Variants in FOXP1 observed in about 807,000 individuals in gnomAD.
FOXP1 encodes the protein forkhead box protein P1.
In FOXP1, 15 loss-of-function variants were observed where a neutral mutation model predicts 98.2. The observed-to-expected ratio is 0.15, with a 90% confidence interval of 0.10 to 0.24. The LOEUF (loss-of-function observed/expected upper bound fraction) is 0.24, where lower values mean the gene tolerates loss of function less well. FOXP1 is among the 10% of genes least tolerant of loss of function. The probability of loss-of-function intolerance (pLI) is 1.00; values close to 1 mark genes in which losing one functional copy is unlikely to be tolerated. For synonymous variants in FOXP1, 371 were observed against 314.5 expected (o/e 1.18, Z -1.90); for missense variants, 633 against 848.5 (o/e 0.75, Z 3.15).
chr3:71,101,185 CAGTGATG>C (rs1168559746), intron 7 of FOXP1, among the ~76,000 whole-genome samples: 2 of 152,088 alleles, frequency 1.3e-5, no homozygotes, highest in Non-Finnish European at 2.9e-5. Context: ...ATTCCTAGGT[CAGTGATG>C]AGTCAAATGA....
intron 7 of FOXP1, chr3:71,065,648 C>A (rs1292337696): frequency 1.3e-5 from 2 of 152,162 alleles, no homozygotes; most frequent in Non-Finnish European, 2.9e-5. Context: ...CAGGCGACTT[C>A]CCCTCTAGAA....
intron 7 of FOXP1, among the ~76,000 whole-genome samples, chr3:71,093,592 G>T (rs1265925074): frequency 6.6e-6 from 1 of 150,382 alleles, no homozygotes; most frequent in Non-Finnish European, 1.5e-5. Context: ...AGTTTCAACT[G>T]TGATATAAGG....
chr3:71,023,557 A>G (rs910792634), intron 11 of FOXP1, among the ~76,000 whole-genome samples: 1 of 152,210 alleles, frequency 6.6e-6, no homozygotes, highest in Non-Finnish European at 1.5e-5. Context: ...TGATTCTTCA[A>G]TGACAGCTTA....
At chr3:71,023,359 T>G (rs987639654) in intron 11 of FOXP1, among the ~76,000 whole-genome samples, 1 of 152,348 alleles carries the variant, frequency 6.6e-6, no homozygotes, top group African/African-American at 2.4e-5. Context: ...GTCTGCACGG[T>G]AAGAGACTGC....
intron 4 of FOXP1, among the ~76,000 whole-genome samples, chr3:71,340,423 G>GA (rs1484095563): frequency 1.3e-5 from 2 of 152,164 alleles, no homozygotes; most frequent in Non-Finnish European, 2.9e-5. Flanking sequence ...ATTTTGGGGG[G>GA]AAAAGCAATT....
At chr3:71,334,210 C>A (rs754888146) in intron 4 of FOXP1, 1 of 152,208 alleles carries the variant, frequency 6.6e-6, no homozygotes, top group Non-Finnish European at 1.5e-5. Context: ...GAGTTCAAGA[C>A]CAGCCTGGTC....
At chr3:71,030,219 T>C (rs1217383415) in intron 11 of FOXP1, among the ~76,000 whole-genome samples, 1 of 152,242 alleles carries the variant, frequency 6.6e-6, no homozygotes, top group Non-Finnish European at 1.5e-5. Context: ...TGTTGGGTTC[T>C]GATAGGAGGC....
intron 17 of FOXP1, among the ~76,000 whole-genome samples, chr3:70,974,276 G>A (rs151263897): frequency 5.9e-5 from 9 of 152,092 alleles, no homozygotes; most frequent in Non-Finnish European, 7.4e-5. Context: ...CATATAAACT[G>A]CAGTCTAGTC....
At chr3:71,012,737 C>A (rs985457641) in intron 12 of FOXP1, among the ~76,000 whole-genome samples, 3 of 152,072 alleles carry the variant, frequency 2.0e-5, no homozygotes, top group African/African-American at 7.2e-5. Flanking sequence ...AAAGACCACA[C>A]AAAACTGGAG....
At chr3:71,238,433 T>TG (rs543440482) in intron 5 of FOXP1, among the ~76,000 whole-genome samples, 52 of 151,350 alleles carry the variant, frequency 3.4e-4, no homozygotes, top group African/African-American at 1.0e-3. Context: ...TAAAGGGGTG[T>TG]GGGGGGGTGT....
intron 3 of FOXP1, among the ~76,000 whole-genome samples, chr3:71,370,801 T>TG (rs1203205001): frequency 7.4e-5 from 11 of 148,248 alleles, no homozygotes; most frequent in African/African-American, 9.9e-5. Flanking sequence ...TTTTGTTGTT[T>TG]TTTTTTTTTT....
At chr3:71,095,375 T>C (rs1276740505) in intron 7 of FOXP1, among the ~76,000 whole-genome samples, 1 of 152,166 alleles carries the variant, frequency 6.6e-6, no homozygotes, top group Non-Finnish European at 1.5e-5. Context: ...TGTAGTAAGG[T>C]GATTTTGCCT....
At chr3:71,121,109 C>T (rs753403313) in intron 6 of FOXP1, among the ~76,000 whole-genome samples, 12 of 151,050 alleles carry the variant, frequency 7.9e-5, no homozygotes, top group Admixed American at 4.0e-4. Flanking sequence ...TCCTGCACCA[C>T]GTCATGATTT....
intron 19 of FOXP1, 157 bp from the exon 20 acceptor site, chr3:70,966,213 A>C: frequency 1.4e-4 from 97 of 704,656 alleles, no homozygotes; most frequent in Middle Eastern, 7.8e-4. Context: ...TTGCTTTAAA[A>C]ACGACTCGTG....
intron 7 of FOXP1, among the ~76,000 whole-genome samples, chr3:71,062,967 C>G (rs547845653): frequency 6.6e-6 from 1 of 152,182 alleles, no homozygotes. Context: ...GGTTGCTTAT[C>G]TCATGCCTTA....
At chr3:71,256,676 C>G (rs531384184) in intron 5 of FOXP1, among the ~76,000 whole-genome samples, 133 of 152,298 alleles carry the variant, frequency 8.7e-4, no homozygotes, top group African/African-American at 3.1e-3. Context: ...GCCACCGCGC[C>G]CGGCCTCTCA....
chr3:71,523,387 G>A (rs1009146774), intron 2 of FOXP1, among the ~76,000 whole-genome samples: 8 of 152,162 alleles, frequency 5.3e-5, no homozygotes, highest in African/African-American at 1.9e-4. Flanking sequence ...CAGTGGGGAT[G>A]GGCCCCACTG....
intron 3 of FOXP1, among the ~76,000 whole-genome samples, chr3:71,370,798 G>GTTTTTTTTTTTTTT (rs71621937): frequency 7.8e-6 from 1 of 128,440 alleles, no homozygotes; most frequent in Non-Finnish European, 1.6e-5. Flanking sequence ...TTTTTTTGTT[G>GTTTTTTTTTTTTTT]TTTTTTTTTT....
intron 7 of FOXP1, among the ~76,000 whole-genome samples, chr3:71,108,954 C>G (rs921499801): frequency 1.3e-5 from 2 of 152,194 alleles, no homozygotes; most frequent in African/African-American, 4.8e-5. Flanking sequence ...TTAATTAATT[C>G]AGATCATTCT....
Sources: gnomAD v4.1 joint callset for allele counts (sites outside exome capture counted in the v4.1 genomes callset) on GRCh38, gnomAD v4.1.1 for gene constraint, MANE v1.5 for transcripts, NCBI Gene and HGNC (gene_info 2026-07-23, HGNC 2026-07-21) for gene names.